The following SNX29 variants were observed in gnomAD, a reference collection of about 807,000 sequenced individuals.
The protein encoded by SNX29 is sorting nexin-29.
SNX29 carries 78 observed loss-of-function variants against 102.1 expected under a neutral mutation model. That is an observed-to-expected ratio of 0.76 (90% CI 0.64 to 0.92). SNX29 has a LOEUF of 0.92. SNX29 is among the 40% of genes least tolerant of loss of function. SNX29 has a pLI of 0.00. For synonymous variants in SNX29, 580 were observed against 414.5 expected (o/e 1.40, Z -4.85); for missense variants, 1,280 against 1,061.7 (o/e 1.21, Z -2.86).
chr16:12,365,929 C>G (rs767125044), intron 16 of SNX29, among the ~76,000 whole-genome samples: 1 of 150,076 alleles, frequency 6.7e-6, no homozygotes, highest in African/African-American at 2.5e-5. Context: ...GTAGTCCCAG[C>G]TACTCGGGAG....
chr16:12,369,793 A>G (rs1276421850), intron 16 of SNX29, among the ~76,000 whole-genome samples: 2 of 152,240 alleles, frequency 1.3e-5, no homozygotes, highest in Non-Finnish European at 2.9e-5. Context: ...TAAATACATT[A>G]TACTTATTCC....
At chr16:12,116,679 A>G (rs1478439510) in intron 11 of SNX29, among the ~76,000 whole-genome samples, 1 of 152,218 alleles carries the variant, frequency 6.6e-6, no homozygotes, top group East Asian at 1.9e-4. Flanking sequence ...TTCTCAAAAA[A>G]AGAAGGAATG....
chr16:12,457,431 C>T (rs2086586896), intron 18 of SNX29, among the ~76,000 whole-genome samples: 1 of 152,162 alleles, frequency 6.6e-6, no homozygotes, highest in Non-Finnish European at 1.5e-5. Context: ...TGGGAGGCAT[C>T]TGTCTGTGTT....
chr16:12,549,575 A>G (rs550910596), intron 20 of SNX29, among the ~76,000 whole-genome samples: 1 of 152,274 alleles, frequency 6.6e-6, no homozygotes, highest in East Asian at 1.9e-4. Flanking sequence ...CTGGGACCCC[A>G]GCCCTAAGAC....
At chr16:12,390,159 T>TGG (rs2083475853) in intron 16 of SNX29, among the ~76,000 whole-genome samples, 1 of 151,130 alleles carries the variant, frequency 6.6e-6, no homozygotes, top group African/African-American at 2.4e-5. Context: ...GGTGTGTGTG[T>TGG]GTGTGTGTGT....
chr16:12,228,458 G>C (rs1054547845), intron 14 of SNX29, among the ~76,000 whole-genome samples: 1 of 152,218 alleles, frequency 6.6e-6, no homozygotes, highest in African/African-American at 2.4e-5. Flanking sequence ...GCAGCATCCT[G>C]CTCTCTCTGC....
At chr16:12,260,195 T>C (rs1213237681) in intron 14 of SNX29, among the ~76,000 whole-genome samples, 1 of 152,212 alleles carries the variant, frequency 6.6e-6, no homozygotes, top group Non-Finnish European at 1.5e-5. Context: ...ACATGAGACT[T>C]TGCCTTGACC....
At chr16:12,014,233 T>G (rs548351039) in intron 3 of SNX29, among the ~76,000 whole-genome samples, 248 of 152,262 alleles carry the variant, frequency 1.6e-3, no homozygotes, top group Non-Finnish European at 2.6e-3. Context: ...CACGCCTGCA[T>G]CCAGGGGCTC....
chr16:12,128,293 T>G (rs539576109), intron 12 of SNX29, among the ~76,000 whole-genome samples: 1 of 152,210 alleles, frequency 6.6e-6, no homozygotes, highest in Non-Finnish European at 1.5e-5. Flanking sequence ...GTTACTTTTT[T>G]GTACTTCCCA....
chr16:12,317,264 C>CTTGG (rs2080777914), intron 15 of SNX29, among the ~76,000 whole-genome samples: 1 of 152,182 alleles, frequency 6.6e-6, no homozygotes, highest in South Asian at 2.1e-4. Flanking sequence ...CAGAGACACA[C>CTTGG]TTGGGTGCAG....
chr16:12,031,026 GC>G (rs2057327527), intron 4 of SNX29, among the ~76,000 whole-genome samples: 1 of 152,014 alleles, frequency 6.6e-6, no homozygotes, highest in African/African-American at 2.4e-5. Context: ...CAGTGCCGCT[GC>G]CTGTGCTTTG....
intron 18 of SNX29, among the ~76,000 whole-genome samples, chr16:12,405,946 G>A (rs922540738): frequency 6.6e-6 from 1 of 151,978 alleles, no homozygotes; most frequent in Admixed American, 6.6e-5. Flanking sequence ...GCAGGAGAAC[G>A]GCTTGAACCC....
At chr16:12,405,122 C>G (rs2084108853) in intron 18 of SNX29, among the ~76,000 whole-genome samples, 1 of 152,208 alleles carries the variant, frequency 6.6e-6, no homozygotes, top group Non-Finnish European at 1.5e-5. Context: ...CCTTCAAGTT[C>G]TGCATTGTGG....
intron 15 of SNX29, among the ~76,000 whole-genome samples, chr16:12,313,706 C>G (rs1388271544): frequency 2.0e-5 from 3 of 152,240 alleles, no homozygotes; most frequent in Admixed American, 1.3e-4. Flanking sequence ...CTCATTGTTG[C>G]ATCCCCCACA....
intron 14 of SNX29, among the ~76,000 whole-genome samples, chr16:12,258,529 CCTTA>C (rs1008670074): frequency 3.3e-5 from 5 of 152,132 alleles, no homozygotes; most frequent in Admixed American, 2.0e-4. Flanking sequence ...CGGAAATTCT[CCTTA>C]CTTATCTGCT....
At chr16:12,166,955 G>T (rs2076029914) in intron 13 of SNX29, among the ~76,000 whole-genome samples, 1 of 152,222 alleles carries the variant, frequency 6.6e-6, no homozygotes, top group South Asian at 2.1e-4. Context: ...TTGCTGCATG[G>T]AGCTCTCCTT....
intron 2 of SNX29, among the ~76,000 whole-genome samples, chr16:12,001,697 A>G (rs1195078856): frequency 6.6e-6 from 1 of 152,136 alleles, no homozygotes; most frequent in Non-Finnish European, 1.5e-5. Context: ...CGTGCTACCC[A>G]TAGCAGAGAT....
intron 14 of SNX29, among the ~76,000 whole-genome samples, chr16:12,267,544 G>A (rs1006974491): frequency 2.0e-5 from 3 of 152,162 alleles, no homozygotes; most frequent in African/African-American, 7.2e-5. Context: ...TGCTGCCTGT[G>A]GATTTGTGTT....
intron 15 of SNX29, among the ~76,000 whole-genome samples, chr16:12,285,423 T>G (rs2079563358): frequency 6.6e-6 from 1 of 152,254 alleles, no homozygotes; most frequent in African/African-American, 2.4e-5. Flanking sequence ...GTTTACTGTC[T>G]GAGTGTGGTT....
Sources: allele counts gnomAD v4.1 joint callset (sites outside exome capture counted in the v4.1 genomes callset), GRCh38; gene constraint gnomAD v4.1.1; transcripts MANE v1.5; gene names NCBI Gene and HGNC (gene_info 2026-07-23, HGNC 2026-07-21).